Variants in DLEU7 observed in about 807,000 individuals in gnomAD.
DLEU7 encodes the protein deleted in lymphocytic leukemia 7.
DLEU7 carries 17 observed loss-of-function variants against 16.0 expected under a neutral mutation model. The observed-to-expected ratio is 1.06, with a 90% CI of 0.73 to 1.59. DLEU7 has a LOEUF of 1.59. Ranked by LOEUF, DLEU7 falls within the 40% of genes most tolerant of loss-of-function variation. The pLI, the probability that DLEU7 is intolerant of heterozygous loss-of-function variation, is 0.00. For synonymous variants in DLEU7, 113 were observed against 139.8 expected, an observed-to-expected ratio of 0.81 and a Z score of 1.35; for missense variants, 308 against 314.9, an observed-to-expected ratio of 0.98 and a Z score of 0.17.
rs542721420 is a variant in DLEU7 at position 50,817,099 on chromosome 13, A to G, written c.459+26089T>C. On this transcript the variant is annotated intron_variant, in intron 1 of 1. Coordinates refer to the DLEU7 transcript ENST00000400393. ...TCTGCCAGATACCCTTATGCTCCAT[A>G]GGCATTTTGTAATGGTTTTTTTTAA... Among the ~76,000 whole-genome samples, 341 of 152,222 alleles carry G rather than the reference A, an allele frequency of 2.2e-3. 4 individuals carry two copies. Among genetic ancestry groups the G allele is most frequent in the Non-Finnish European group, 3.3e-3 (223 of 67,996 alleles).
At chr13:50,835,519 T>C (rs931306564) in intron 1 of DLEU7, among the ~76,000 whole-genome samples, 3 of 152,210 alleles carry the variant, frequency 2.0e-5, no homozygotes, top group African/African-American at 7.2e-5. Flanking sequence ...AAGGATCACA[T>C]CCAAATGGAA....
chr13:50,783,159 G>A (rs186379482), intron 1 of DLEU7, among the ~76,000 whole-genome samples: 8 of 152,208 alleles, frequency 5.3e-5, no homozygotes, highest in African/African-American at 1.9e-4. Flanking sequence ...ATTTCTCAGG[G>A]GGCCCAGCAG....
chr13:50,801,961 C>T (rs1876261158), intron 1 of DLEU7, among the ~76,000 whole-genome samples: 1 of 151,878 alleles, frequency 6.6e-6, no homozygotes, highest in East Asian at 1.9e-4. Context: ...GCTGTGTTGC[C>T]AATGCCTTAG....
At chr13:50,772,405 A>C (rs1418115658) in intron 1 of DLEU7, among the ~76,000 whole-genome samples, 1 of 152,166 alleles carries the variant, frequency 6.6e-6, no homozygotes, top group Non-Finnish European at 1.5e-5. Flanking sequence ...GGCTGATACC[A>C]GTTGTTCCTT....
At chr13:50,803,125 T>C (rs1340582861) in intron 1 of DLEU7, among the ~76,000 whole-genome samples, 1 of 152,172 alleles carries the variant, frequency 6.6e-6, no homozygotes, top group Admixed American at 6.5e-5. Flanking sequence ...GAAACATTCC[T>C]CAAATTGGAA....
chr13:50,725,692 G>T (rs185464830), intron 1 of DLEU7, among the ~76,000 whole-genome samples: 66 of 152,280 alleles, frequency 4.3e-4, no homozygotes, highest in Middle Eastern at 3.4e-3. Context: ...CATGGGAGGG[G>T]AAGGAGACGC....
rs938711442 is a variant in DLEU7, at chr13:50,798,442, A to G, written c.459+44746T>C. ...ACACCTAGGCAATTTGTGATGCCATAGACGTTCAAGGTGGCATGGGGACAG... is the reference window on the plus strand; with the variant it reads ...ACACCTAGGCAATTTGTGATGCCATGGACGTTCAAGGTGGCATGGGGACAG... On this transcript the variant is annotated intron_variant, in intron 1 of 1. Coordinates refer to the DLEU7 transcript ENST00000400393. Among the ~76,000 whole-genome samples the G allele has an allele frequency of 4.1e-4, 62 of 152,200 alleles. 1 individual carries two copies. Among genetic ancestry groups the G allele is most frequent in the Non-Finnish European group, 7.6e-4 (52 of 68,036 alleles).
chr13:50,807,730 C>A (rs969841435), intron 1 of DLEU7: 122 of 152,246 alleles, frequency 8.0e-4, no homozygotes, highest in African/African-American at 2.8e-3. Flanking sequence ...CATCAGACTG[C>A]AACTTACTGT....
chr13:50,791,741 A>G (rs1875964856), intron 1 of DLEU7, among the ~76,000 whole-genome samples: 1 of 152,196 alleles, frequency 6.6e-6, no homozygotes, highest in Admixed American at 6.5e-5. Context: ...TGAGAAAAGA[A>G]ACCACAGCAA....
chr13:50,763,163 C>T (rs866151235), intron 1 of DLEU7, among the ~76,000 whole-genome samples: 3 of 152,118 alleles, frequency 2.0e-5, no homozygotes, highest in East Asian at 1.9e-4. Flanking sequence ...AGCAGCAGCT[C>T]GGTACTGCTG....
At chr13:50,793,290 C>T (rs553666663) in intron 1 of DLEU7, among the ~76,000 whole-genome samples, 2 of 152,130 alleles carry the variant, frequency 1.3e-5, no homozygotes, top group African/African-American at 4.8e-5. Flanking sequence ...TATTGATGAG[C>T]AACTGGGTTG....
intron 1 of DLEU7, among the ~76,000 whole-genome samples, chr13:50,766,476 T>C (rs865901181): frequency 3.6e-4 from 53 of 147,466 alleles, no homozygotes; most frequent in Admixed American, 1.4e-3. Flanking sequence ...CTTCCTTCTC[T>C]TCCTACTCCT....
intron 1 of DLEU7, among the ~76,000 whole-genome samples, chr13:50,736,726 G>T (rs111511857): frequency 1.6e-4 from 24 of 151,824 alleles, no homozygotes; most frequent in African/African-American, 5.1e-4. Context: ...TAGCAGAGCC[G>T]ATATTTGGAA....
intron 1 of DLEU7, among the ~76,000 whole-genome samples, chr13:50,754,272 T>C (rs761612536): frequency 3.0e-4 from 45 of 152,234 alleles, no homozygotes; most frequent in Non-Finnish European, 5.6e-4. Context: ...AGTGGAGTAT[T>C]GAAGTCCCCC....
chr13:50,745,305 G>C (rs957591377), intron 1 of DLEU7, among the ~76,000 whole-genome samples: 10 of 152,130 alleles, frequency 6.6e-5, no homozygotes, highest in Non-Finnish European at 1.5e-4. Context: ...AAATAAACTG[G>C]TCACAGAAAA....
chr13:50,770,515 A>G (rs776368406), intron 1 of DLEU7, among the ~76,000 whole-genome samples: 13 of 152,218 alleles, frequency 8.5e-5, no homozygotes, highest in African/African-American at 2.4e-4. Context: ...CCTTTTCTGC[A>G]TCTATTGAGA....
At chr13:50,724,612 A>G (rs1448662803) in intron 1 of DLEU7, among the ~76,000 whole-genome samples, 1 of 152,216 alleles carries the variant, frequency 6.6e-6, no homozygotes, top group Non-Finnish European at 1.5e-5. Flanking sequence ...GAAGAGAGGC[A>G]CAGAGAAAGA....
At chr13:50,731,159 CA>C (rs1271226711) in intron 1 of DLEU7, among the ~76,000 whole-genome samples, 1 of 152,186 alleles carries the variant, frequency 6.6e-6, no homozygotes, top group East Asian at 1.9e-4. Flanking sequence ...AGAGTGTAAC[CA>C]AGTAACCAAT....
chr13:50,774,624 TG>T (rs1016760147), intron 1 of DLEU7, among the ~76,000 whole-genome samples: 45 of 152,326 alleles, frequency 3.0e-4, no homozygotes, highest in Admixed American at 1.3e-3. Context: ...CATGAATGTG[TG>T]GGTTGCTGTT....
Sources: gnomAD v4.1 joint callset for allele counts (sites outside exome capture counted in the v4.1 genomes callset) on GRCh38, gnomAD v4.1.1 for gene constraint, MANE v1.5 for transcripts, NCBI Gene and HGNC (gene_info 2026-07-23, HGNC 2026-07-21) for gene names.